Variants in RNF126 observed in about 807,000 individuals in gnomAD.
RNF126 encodes E3 ubiquitin-protein ligase RNF126.
RNF126 carries 20 observed loss-of-function variants against 41.9 expected under a neutral mutation model. The ratio of observed to expected loss-of-function variants is 0.48; its 90% CI spans 0.34 to 0.69. The LOEUF (loss-of-function observed/expected upper bound fraction) is 0.69, where lower values mean the gene tolerates loss of function less well. Among genes scored for constraint, RNF126 ranks in the 30% least tolerant of loss-of-function variants. The pLI is 0.01. For synonymous variants in RNF126, 239 were observed against 202.9 expected (o/e 1.18, Z -1.51); for missense variants, 433 against 460.6 (o/e 0.94, Z 0.55).
At chr19:649,142 C>A (rs572768948) in intron 6 of RNF126, 167 bp from the exon 7 acceptor site, 55 of 393,872 alleles carry the variant, frequency 1.4e-4, no homozygotes, top group African/African-American at 3.7e-4. Context: ...CCCACGCGGC[C>A]CCCCCGCTCC....
chr19:649,773 G>C (rs564755065), intron 5 of RNF126, 25 bp from the exon 6 acceptor site: 2 of 1,545,100 alleles, frequency 1.3e-6, no homozygotes, highest in African/African-American at 1.4e-5. Context: ...TGGGGTTCAA[G>C]TGGCTGACGG....
At chr19:652,655 A>C (rs1244587680) in intron 2 of RNF126, 171 bp downstream of exon 2, 1 of 650,916 alleles carries the variant, frequency 1.5e-6, no homozygotes, top group African/African-American at 1.8e-5. Context: ...CGGCCATCAC[A>C]GAAGAGAACG....
rs943266602 is a variant in RNF126, at chr19:651,335, C to T, written c.443+276G>A. The T allele has an allele frequency of 7.5e-5, 24 of 322,022 alleles. No homozygotes were observed. In the South Asian group the frequency reaches 8.3e-4, roughly 11 times the overall value. The allele number at this position is 322,022 out of a possible 1,614,324, so 19.9% of individuals were successfully genotyped here. A position where few individuals can be genotyped will look rare whatever the true frequency, so the allele number is the denominator to read the frequency against. Reference sequence around the variant, plus strand: ...GGCCCAAGGCCTGGACAGCGTTTGACGACACGCGTGTGGACAGCAGTCTCC... The same window carrying T: ...GGCCCAAGGCCTGGACAGCGTTTGATGACACGCGTGTGGACAGCAGTCTCC... On this transcript the variant is annotated intron_variant, in intron 4 of 8. Transcript: ENST00000292363.
intron 4 of RNF126, 91 bp from the exon 5 acceptor site, chr19:650,387 A>C: frequency 9.1e-7 from 1 of 1,095,546 alleles, no homozygotes; most frequent in Non-Finnish European, 1.3e-6. Flanking sequence ...CACCAAGGGC[A>C]GGGCCAGCAT....
intron 3 of RNF126, 73 bp from the exon 4 acceptor site, chr19:651,928 G>A (rs765574310): frequency 1.4e-6 from 2 of 1,407,312 alleles, no homozygotes; most frequent in Non-Finnish European, 1.9e-6. Context: ...AGGGCACAAA[G>A]ACAAAGGAGA....
In RNF126 at chr19:656,133, C is replaced by T. The variant is rs2030553647; in HGVS notation, c.76-3249G>A. 2.6e-5 allele frequency among the ~76,000 whole-genome samples: 4 copies of T among 152,150 alleles called. No individual in the cohort carries two copies. In the South Asian group the frequency reaches 8.3e-4, roughly 32 times the overall value. ...TTAGACTGTGGTGGTGGTTGCACAA[C>T]TTTATGAATATACTACAAACGTTTC... On this transcript the variant is annotated intron_variant, in intron 1 of 8. Transcript: ENST00000292363.
chr19:663,102 T>A lies in RNF126; in HGVS notation c.20A>T (p.His7Leu). 1 of 1,341,242 alleles carries A rather than the reference T, an allele frequency of 7.5e-7. No individual in the cohort carries two copies. Among genetic ancestry groups the A allele is most frequent in the South Asian group, 1.7e-5 (1 of 58,420 alleles). 83.1% of individuals were successfully genotyped at this position (1,341,242 alleles called of 1,614,324 possible). A position where few individuals can be genotyped will look rare whatever the true frequency, so the allele number is the denominator to read the frequency against. ...GCAGTGGCAGAAGTACCGTCCGGGA[T>A]GCGGCGACGCCTCGGCCATGGCCGC... The part of the protein sequence containing the change: MAEASP[H>L]PGRYFCHCCS... Residue 7 changes from histidine (H) to leucine (L), a missense_variant, in exon 1 of 9, where the codon CAT (histidine) becomes CTT (leucine). This residue lies in a region of RNF126 where 247 missense variants were observed against 224.7 expected (regional missense o/e 1.10). Coordinates refer to ENST00000292363, the MANE Select transcript of RNF126 (RefSeq NM_194460.3).
intron 6 of RNF126, 133 bp downstream of exon 6, chr19:649,546 A>T: frequency 1.5e-6 from 1 of 687,170 alleles, no homozygotes; most frequent in East Asian, 2.8e-5. Context: ...TGTGCCCGCC[A>T]GAGCGTGGAG....
Position 663,105 on chromosome 19 carries a change from G to A in RNF126, c.17C>T (p.Pro6Leu). The A allele has an allele frequency of 7.5e-7, 1 of 1,338,020 alleles. No homozygotes were observed. Among genetic ancestry groups the A allele is most frequent in the South Asian group, 1.7e-5 (1 of 57,738 alleles). The allele number at this position is 1,338,020 out of a possible 1,614,324, so 82.9% of individuals were successfully genotyped here. The change falls in exon 1 of 9, where the codon CCG (proline) becomes CTG (leucine). Residue 6 changes from proline to leucine, a missense_variant. Coordinates refer to ENST00000292363, the MANE Select transcript of RNF126 (RefSeq NM_194460.3). Reference sequence around the variant, plus strand: ...GTGGCAGAAGTACCGTCCGGGATGCGGCGACGCCTCGGCCATGGCCGCCGC... The same window carrying A: ...GTGGCAGAAGTACCGTCCGGGATGCAGCGACGCCTCGGCCATGGCCGCCGC... MAEAS[P>L]HPGRYFCHCC...
intron 6 of RNF126, chr19:649,261 TG>T: frequency 1.1e-5 from 3 of 271,656 alleles, no homozygotes; most frequent in Non-Finnish European, 6.6e-6. Flanking sequence ...GACGGCGGAA[TG>T]GGGGGGCCGT....
At chr19:651,963 C>T (rs1327915903) in intron 3 of RNF126, 108 bp from the exon 4 acceptor site, 2 of 1,069,910 alleles carry the variant, frequency 1.9e-6, no homozygotes, top group Non-Finnish European at 2.7e-6. Flanking sequence ...CTGCTGGGTG[C>T]CGGGTGGGAG....
intron 1 of RNF126, among the ~76,000 whole-genome samples, chr19:655,865 C>G (rs116231824): frequency 3.0e-4 from 46 of 152,224 alleles, no homozygotes; most frequent in African/African-American, 9.4e-4. Context: ...GGGGCAAGGC[C>G]CAGACCAGGC....
Position 650,320 on chromosome 19 carries a change from G to T in RNF126, c.444-24C>A, listed in dbSNP as rs376111036. 4.3e-4 allele frequency: 666 copies of T among 1,565,478 alleles called. 1 individual carries two copies. Among genetic ancestry groups the T allele is most frequent in the Admixed American group, 2.3e-3 (116 of 51,272 alleles). On this transcript the variant is annotated intron_variant, in intron 4 of 8. Transcript: ENST00000292363. ...TCCTGGAAAAGAGAGCGCCAGTCAC[G>T]GGGTGAGGCCGCCCCACGCACAGGA... is the stretch of plus-strand genomic sequence containing the variant.
intron 3 of RNF126, 169 bp downstream of exon 3, chr19:652,064 C>A: frequency 1.4e-6 from 1 of 730,714 alleles, no homozygotes; most frequent in Non-Finnish European, 2.1e-6. Context: ...TCCAAGAAAC[C>A]AACCAAGCAG....
intron 1 of RNF126, among the ~76,000 whole-genome samples, chr19:655,649 C>T (rs978250123): frequency 2.0e-5 from 3 of 149,452 alleles, no homozygotes; most frequent in Non-Finnish European, 4.4e-5. Flanking sequence ...AGAAGTCCCC[C>T]AGATGGAACT....
rs984928473 is a variant in RNF126 at position 652,753 on chromosome 19, G to C, written c.134+73C>G. On this transcript the variant is annotated intron_variant, in intron 2 of 8. Transcript: ENST00000292363. ...CCCACACTCGGCGGGGCGGACGCCA[G>C]CACAGCCCACACCCCTACAACAGCT... 22 of 1,425,604 alleles carry C rather than the reference G, an allele frequency of 1.5e-5. No homozygotes were observed. The East Asian group carries it at 5.0e-4, about 33-fold the overall frequency. 88.3% of individuals were successfully genotyped at this position (1,425,604 alleles called of 1,614,324 possible). A position where few individuals can be genotyped will look rare whatever the true frequency, so the allele number is the denominator to read the frequency against.
intron 1 of RNF126, among the ~76,000 whole-genome samples, chr19:653,797 G>C (rs902602816): frequency 6.6e-6 from 1 of 152,254 alleles, no homozygotes; most frequent in Non-Finnish European, 1.5e-5. Context: ...AGTCTCAAGT[G>C]CTCCATCGCA....
intron 6 of RNF126, 166 bp from the exon 7 acceptor site, chr19:649,141 C>G (rs2030129593): frequency 2.6e-6 from 1 of 388,566 alleles, no homozygotes; most frequent in African/African-American, 2.1e-5. Flanking sequence ...GCCCACGCGG[C>G]CCCCCCGCTC....
chr19:659,661 C>T lies in RNF126; in HGVS notation c.75+3386G>A, dbSNP rs1260724592. The stretch of plus-strand genomic sequence containing the variant: ...CTCGAGTCTGGGTCTGCGCAGCCGC[C>T]TGTGGCCTGAGCTCCAGCTGGCCTG... On this transcript the variant is annotated intron_variant, in intron 1 of 8. Coordinates refer to ENST00000292363, the MANE Select transcript of RNF126 (RefSeq NM_194460.3). The surrounding 1 kb of genome is among the most constrained non-coding windows in gnomAD (Gnocchi z 4.9). Among the ~76,000 whole-genome samples, 2 of 152,166 alleles carry T rather than the reference C, an allele frequency of 1.3e-5. No homozygotes were observed. The highest frequency in any genetic ancestry group is 2.9e-5 in the Non-Finnish European group (2 of 68,024).
Sources: gnomAD v4.1 joint callset for allele counts (sites outside exome capture counted in the v4.1 genomes callset) on GRCh38, gnomAD v4.1.1 for gene constraint, gnomAD v4.1.1 regional missense constraint, Gnocchi (gnomAD v3.1) non-coding constraint, MANE v1.5 for transcripts, NCBI Gene and HGNC (gene_info 2026-07-23, HGNC 2026-07-21) for gene names.